Variants in GALNTL6 observed in about 807,000 individuals in gnomAD.
GALNTL6 encodes polypeptide N-acetylgalactosaminyltransferase like 6.
GALNTL6 carries 46 observed loss-of-function variants against 73.7 expected under a neutral mutation model. The ratio of observed to expected loss-of-function variants is 0.62; its 90% confidence interval spans 0.49 to 0.80. GALNTL6 has a LOEUF of 0.80. Among genes scored for constraint, GALNTL6 ranks in the 30% least tolerant of loss-of-function variants. GALNTL6 has a pLI of 0.00. For synonymous variants in GALNTL6, 259 were observed against 263.7 expected (o/e 0.98, Z 0.17); for missense variants, 604 against 755.0 (o/e 0.80, Z 2.34).
At chr4:172,589,570 G>C (rs116455993) in intron 5 of GALNTL6, among the ~76,000 whole-genome samples, 2 of 152,170 alleles carry the variant, frequency 1.3e-5, no homozygotes, top group Non-Finnish European at 1.5e-5. Context: ...GTCATAGTCC[G>C]TGCTTTTACC....
intron 2 of GALNTL6, among the ~76,000 whole-genome samples, chr4:172,160,733 G>T (rs1734432782): frequency 6.6e-6 from 1 of 151,638 alleles, no homozygotes; most frequent in Non-Finnish European, 1.5e-5. Flanking sequence ...CTATTATAGG[G>T]ATATATAAAT....
At chr4:172,374,023 C>T (rs1263037190) in intron 5 of GALNTL6, among the ~76,000 whole-genome samples, 2 of 152,134 alleles carry the variant, frequency 1.3e-5, no homozygotes, top group African/African-American at 4.8e-5. Flanking sequence ...GTTGTTGGAT[C>T]GTCTGGCTGG....
In GALNTL6 at chr4:172,071,283, T is replaced by C. The variant is rs1162211329; in HGVS notation, c.139-158373T>C. Among the ~76,000 whole-genome samples the C allele has an allele frequency of 1.2e-4, 13 of 109,550 alleles. 5 individuals carry two copies. The highest frequency in any genetic ancestry group is 3.8e-4 in the African/African-American group (11 of 29,058). 71.9% of individuals were successfully genotyped at this position (109,550 alleles called of 152,430 possible). On this transcript the variant is annotated intron_variant, in intron 2 of 12. Coordinates refer to ENST00000506823, the MANE Select transcript of GALNTL6 (RefSeq NM_001034845.3). ...GTGTGGTTTTCAAGGATTGTGCTATTACTCATTACCTCTCAGCTGAGCCTC... is the reference window on the plus strand; with the variant it reads ...GTGTGGTTTTCAAGGATTGTGCTATCACTCATTACCTCTCAGCTGAGCCTC...
chr4:171,884,005 A>G (rs1321002737), intron 2 of GALNTL6, among the ~76,000 whole-genome samples: 2 of 152,220 alleles, frequency 1.3e-5, no homozygotes, highest in African/African-American at 4.8e-5. Flanking sequence ...ATGTGTAAAC[A>G]TTTATAAACC....
At chr4:172,106,413 G>A (rs764236868) in intron 2 of GALNTL6, among the ~76,000 whole-genome samples, 8 of 152,098 alleles carry the variant, frequency 5.3e-5, no homozygotes, top group Non-Finnish European at 1.0e-4. Flanking sequence ...ATGTATTTCT[G>A]AAACTCTTTA....
chr4:171,897,151 G>A (rs1051968609), intron 2 of GALNTL6, among the ~76,000 whole-genome samples: 1 of 151,982 alleles, frequency 6.6e-6, no homozygotes, highest in Non-Finnish European at 1.5e-5. Context: ...ATTGAGAACA[G>A]AAGAACAATA....
intron 3 of GALNTL6, among the ~76,000 whole-genome samples, chr4:172,285,472 C>G (rs1241298332): frequency 6.6e-6 from 1 of 152,108 alleles, no homozygotes; most frequent in Non-Finnish European, 1.5e-5. Context: ...AGTCTAATGT[C>G]TCATGAAAAG....
intron 9 of GALNTL6, among the ~76,000 whole-genome samples, chr4:172,949,474 G>A (rs182700393): frequency 3.9e-5 from 6 of 152,286 alleles, no homozygotes; most frequent in Admixed American, 3.9e-4. Flanking sequence ...TCACAGAGGT[G>A]TAAATTGATG....
At position 172,899,156 on chromosome 4, in the gene GALNTL6, T is replaced by G. The variant is rs149073949; in HGVS notation, c.1041+16249T>G. Among the ~76,000 whole-genome samples the G allele has an allele frequency of 5.6e-4, 85 of 152,334 alleles. 1 individual carries two copies. The East Asian group carries it at 0.013, about 24-fold the overall frequency. ...AGTGCTCCCAGCTGAATAAAGCCTT[T>G]CCTTCCACAACTCAGTGTCTGAGGG... On this transcript the variant is annotated intron_variant, in intron 8 of 12. Coordinates refer to ENST00000506823, the MANE Select transcript of GALNTL6 (RefSeq NM_001034845.3).
chr4:172,312,593 G>C (rs539160974), intron 4 of GALNTL6, among the ~76,000 whole-genome samples: 1 of 152,074 alleles, frequency 6.6e-6, no homozygotes, highest in East Asian at 1.9e-4. Flanking sequence ...GGAAACCCTG[G>C]TGTGAGAGAG....
chr4:172,644,748 G>T (rs1334269550), intron 5 of GALNTL6, among the ~76,000 whole-genome samples: 1 of 151,884 alleles, frequency 6.6e-6, no homozygotes, highest in Non-Finnish European at 1.5e-5. Flanking sequence ...CAAAAAGGGG[G>T]TGGGTGATAT....
chr4:171,818,247 A>C (rs1734573965), intron 2 of GALNTL6, among the ~76,000 whole-genome samples: 1 of 151,804 alleles, frequency 6.6e-6, no homozygotes, highest in South Asian at 2.1e-4. Context: ...TTTTAGAACA[A>C]AACTACTATA....
chr4:172,290,205 T>C (rs1739415613), intron 3 of GALNTL6, among the ~76,000 whole-genome samples: 1 of 127,792 alleles, frequency 7.8e-6, no homozygotes, highest in Admixed American at 7.4e-5. Flanking sequence ...CAAATTTTAA[T>C]TGAAACACCA....
intron 2 of GALNTL6, among the ~76,000 whole-genome samples, chr4:172,086,385 A>G (rs985190449): frequency 1.3e-5 from 2 of 152,126 alleles, no homozygotes; most frequent in African/African-American, 4.8e-5. Context: ...TTTAAGAATA[A>G]TCACTTATAA....
chr4:172,082,087 G>A (rs1056178737), intron 2 of GALNTL6, among the ~76,000 whole-genome samples: 20 of 151,958 alleles, frequency 1.3e-4, no homozygotes, highest in Non-Finnish European at 2.1e-4. Context: ...ATGCTATCCA[G>A]GCTGGTTTCA....
intron 2 of GALNTL6, among the ~76,000 whole-genome samples, chr4:171,938,011 T>G (rs1221284178): frequency 1.3e-5 from 2 of 152,186 alleles, no homozygotes; most frequent in African/African-American, 4.8e-5. Flanking sequence ...GTGTTGTGTG[T>G]GTATAAACCT....
intron 2 of GALNTL6, among the ~76,000 whole-genome samples, chr4:171,866,031 T>C (rs544750368): frequency 1.3e-5 from 2 of 152,218 alleles, no homozygotes; most frequent in South Asian, 4.2e-4. Flanking sequence ...TTTCCCAAAC[T>C]CCCACTAAAA....
intron 2 of GALNTL6, among the ~76,000 whole-genome samples, chr4:172,190,481 C>T (rs1425191925): frequency 2.0e-5 from 3 of 151,688 alleles, no homozygotes; most frequent in Non-Finnish European, 4.4e-5. Context: ...AAGATGTCAT[C>T]GATGAAGAGG....
intron 2 of GALNTL6, among the ~76,000 whole-genome samples, chr4:171,828,104 A>G (rs693128): frequency 0.68 from 103,011 of 151,726 alleles, 36,860 homozygotes; most frequent in East Asian, 0.83. Flanking sequence ...TTCACAATCA[A>G]GAGAAATGTA....
Sources: allele counts gnomAD v4.1 joint callset (sites outside exome capture counted in the v4.1 genomes callset), GRCh38; gene constraint gnomAD v4.1.1; transcripts MANE v1.5; gene names NCBI Gene and HGNC (gene_info 2026-07-23, HGNC 2026-07-21).